The following HIBADH variants were observed in gnomAD, a reference collection of about 807,000 sequenced individuals.
HIBADH encodes 3-hydroxyisobutyrate dehydrogenase, also known as 3-hydroxyisobutyrate dehydrogenase, mitochondrial.
Under a neutral mutation model 36.1 loss-of-function variants are expected in HIBADH, and 25 were observed. The ratio of observed to expected loss-of-function variants is 0.69; its 90% CI spans 0.50 to 0.97. The LOEUF (loss-of-function observed/expected upper bound fraction) is 0.97. Ranked by LOEUF, HIBADH falls within the 50% of genes least tolerant of loss-of-function variation. The probability of loss-of-function intolerance (pLI) is 0.00; values close to 1 mark genes in which losing one functional copy is unlikely to be tolerated. For missense variants in HIBADH, 421 were observed against 418.0 expected, an observed-to-expected ratio of 1.01 and a Z score of -0.06; for synonymous variants, 160 against 149.5, an observed-to-expected ratio of 1.07 and a Z score of -0.51.
chr7:27,568,867 A>C (rs2128187741), intron 4 of HIBADH, among the ~76,000 whole-genome samples: 1 of 148,992 alleles, frequency 6.7e-6, no homozygotes, highest in South Asian at 2.1e-4. Context: ...TAAACCTCTA[A>C]GTTTGTCTTT....
intron 1 of HIBADH, among the ~76,000 whole-genome samples, chr7:27,662,219 A>G (rs1786436959): frequency 6.6e-6 from 1 of 152,160 alleles, no homozygotes; most frequent in Non-Finnish European, 1.5e-5. Flanking sequence ...TTGTGTAATA[A>G]GGCCATCCCC....
intron 1 of HIBADH, among the ~76,000 whole-genome samples, chr7:27,662,139 CCCGTCTTGCT>C (rs1392648841): frequency 6.6e-6 from 1 of 152,116 alleles, no homozygotes; most frequent in Non-Finnish European, 1.5e-5. Flanking sequence ...AGGGGGGAAG[CCCGTCTTGCT>C]GGTCAAGGGT....
In HIBADH at chr7:27,629,478, C is replaced by A; in HGVS notation, c.377G>T (p.Gly126Val). ...AGTGCTGGAATCTATTAATAATGAG[C>A]CCTTCTTCACTTTTCTAAGTAAATA... Reference protein sequence around the residue: ...ANGILKKVKKGSLLIDSSTID... With the variant: ...ANGILKKVKKVSLLIDSSTID... The change falls in exon 4 of 8, where the codon GGC becomes GTC. Residue 126 changes from glycine (G) to valine (V), a missense_variant. By Grantham distance (109) the Gly-to-Val change is moderately radical. Transcript: ENST00000265395. 1.9e-6 allele frequency: 3 copies of A among 1,580,852 alleles called. No individual in the cohort carries two copies. Among genetic ancestry groups the A allele is most frequent in the Non-Finnish European group, 2.6e-6 (3 of 1,162,416 alleles).
intron 4 of HIBADH, among the ~76,000 whole-genome samples, chr7:27,626,266 A>G (rs1487453839): frequency 6.6e-6 from 1 of 152,134 alleles, no homozygotes; most frequent in African/African-American, 2.4e-5. Flanking sequence ...AAAAATTAAA[A>G]TTAAAACAAA....
At chr7:27,650,518 A>C (rs1189522804) in intron 1 of HIBADH, among the ~76,000 whole-genome samples, 1 of 148,286 alleles carries the variant, frequency 6.7e-6, no homozygotes, top group Admixed American at 6.8e-5. Context: ...TTTGAGACGG[A>C]GTCTCACTCT....
chr7:27,549,095 T>C (rs925894066), intron 4 of HIBADH, among the ~76,000 whole-genome samples: 2 of 152,174 alleles, frequency 1.3e-5, no homozygotes, highest in African/African-American at 2.4e-5. Flanking sequence ...ATGCACATAA[T>C]ACTCCACCAC....
At chr7:27,585,108 T>C (rs1254840765) in intron 4 of HIBADH, among the ~76,000 whole-genome samples, 3 of 152,180 alleles carry the variant, frequency 2.0e-5, no homozygotes, top group East Asian at 1.9e-4. Context: ...GGTAAATTTA[T>C]AGACCTATAA....
At chr7:27,561,981 A>G (rs1260126536) in intron 4 of HIBADH, among the ~76,000 whole-genome samples, 1 of 152,074 alleles carries the variant, frequency 6.6e-6, no homozygotes, top group Non-Finnish European at 1.5e-5. Flanking sequence ...AGATACTTAT[A>G]TTTTCTGAGT....
chr7:27,543,782 G>C (rs1482742223), intron 4 of HIBADH, among the ~76,000 whole-genome samples: 1 of 152,180 alleles, frequency 6.6e-6, no homozygotes, highest in Non-Finnish European at 1.5e-5. Context: ...GCAAGAAGAA[G>C]AAATAAACTT....
intron 4 of HIBADH, among the ~76,000 whole-genome samples, chr7:27,614,216 T>G (rs1785386230): frequency 6.6e-6 from 1 of 152,190 alleles, no homozygotes; most frequent in African/African-American, 2.4e-5. Context: ...TTCTGAGTAT[T>G]TCTCTCTTAT....
At chr7:27,646,207 G>A (rs1341457380) in intron 2 of HIBADH, among the ~76,000 whole-genome samples, 1 of 152,146 alleles carries the variant, frequency 6.6e-6, no homozygotes, top group Non-Finnish European at 1.5e-5. Flanking sequence ...GGAGACCAAT[G>A]ATCAGTGGCT....
At chr7:27,565,726 G>C (rs919299197) in intron 4 of HIBADH, among the ~76,000 whole-genome samples, 2 of 152,104 alleles carry the variant, frequency 1.3e-5, no homozygotes, top group Non-Finnish European at 2.9e-5. Flanking sequence ...TGATCTCAGG[G>C]GGAAAGCATT....
At chr7:27,529,599 G>A (rs1388285035) in intron 7 of HIBADH, among the ~76,000 whole-genome samples, 1 of 152,184 alleles carries the variant, frequency 6.6e-6, no homozygotes, top group Non-Finnish European at 1.5e-5. Flanking sequence ...AAACTTGAAG[G>A]GATGAGGAGT....
intron 4 of HIBADH, among the ~76,000 whole-genome samples, chr7:27,602,424 A>G (rs1201744017): frequency 6.6e-6 from 1 of 152,212 alleles, no homozygotes; most frequent in Non-Finnish European, 1.5e-5. Flanking sequence ...TCCAAGAAAG[A>G]GTGCAGGGAA....
chr7:27,654,632 G>T (rs936557591), intron 1 of HIBADH, among the ~76,000 whole-genome samples: 2 of 151,704 alleles, frequency 1.3e-5, no homozygotes, highest in African/African-American at 4.8e-5. Flanking sequence ...ACAAATATTT[G>T]TATATTCCAG....
intron 4 of HIBADH, among the ~76,000 whole-genome samples, chr7:27,570,692 C>G (rs1784615406): frequency 6.7e-6 from 1 of 150,136 alleles, no homozygotes; most frequent in African/African-American, 2.5e-5. Flanking sequence ...TAAATTATAC[C>G]TCAATAATGC....
intron 2 of HIBADH, among the ~76,000 whole-genome samples, chr7:27,634,346 C>T (rs527369126): frequency 1.3e-5 from 2 of 151,992 alleles, no homozygotes; most frequent in East Asian, 3.9e-4. Flanking sequence ...AAAAATTTTC[C>T]ATCAAATTAC....
At chr7:27,615,807 T>C (rs982857583) in intron 4 of HIBADH, among the ~76,000 whole-genome samples, 1 of 152,108 alleles carries the variant, frequency 6.6e-6, no homozygotes, top group Non-Finnish European at 1.5e-5. Flanking sequence ...AAGTAAGCTA[T>C]AAAAAAACCC....
intron 4 of HIBADH, among the ~76,000 whole-genome samples, chr7:27,587,607 G>C (rs1265997032): frequency 6.6e-6 from 1 of 152,114 alleles, no homozygotes; most frequent in Non-Finnish European, 1.5e-5. Flanking sequence ...TCTAGCCCTA[G>C]TCATGCCACT....
Sources: allele counts gnomAD v4.1 joint callset (sites outside exome capture counted in the v4.1 genomes callset), GRCh38; gene constraint gnomAD v4.1.1; transcripts MANE v1.5; gene names NCBI Gene and HGNC (gene_info 2026-07-23, HGNC 2026-07-21).